Variants in CMSS1 observed in about 807,000 individuals in gnomAD.
CMSS1 encodes cms1 ribosomal small subunit homolog.
In CMSS1, 33 loss-of-function variants were observed where a neutral mutation model predicts 43.5. The observed-to-expected ratio is 0.76, with a 90% CI of 0.57 to 1.01. The LOEUF (loss-of-function observed/expected upper bound fraction) is 1.01. CMSS1 is among the 50% of genes least tolerant of loss of function. The pLI, the probability that CMSS1 is intolerant of heterozygous loss-of-function variation, is 0.00. For missense variants in CMSS1, 313 were observed against 326.4 expected, an observed-to-expected ratio of 0.96 and a Z score of 0.32; for synonymous variants, 115 against 117.2, an observed-to-expected ratio of 0.98 and a Z score of 0.12.
At chr3:100,067,151 CTA>C (rs1391700959) in intron 1 of CMSS1, among the ~76,000 whole-genome samples, 3 of 150,394 alleles carry the variant, frequency 2.0e-5, no homozygotes, top group Non-Finnish European at 4.4e-5. Context: ...GAAGCCCTGG[CTA>C]TGTTTTTGAT....
At chr3:99,985,196 G>T (rs888113754) in intron 1 of CMSS1, among the ~76,000 whole-genome samples, 2 of 152,148 alleles carry the variant, frequency 1.3e-5, no homozygotes, top group African/African-American at 2.4e-5. Flanking sequence ...TGTTTTAAAA[G>T]GTTGAGAAAA....
intron 1 of CMSS1, among the ~76,000 whole-genome samples, chr3:99,940,711 T>C (rs1194840020): frequency 6.6e-6 from 1 of 152,238 alleles, no homozygotes; most frequent in Non-Finnish European, 1.5e-5. Flanking sequence ...TACAAATTTT[T>C]ATTTTTGTGA....
chr3:99,915,562 C>T (rs1382808892), intron 1 of CMSS1, among the ~76,000 whole-genome samples: 5 of 152,062 alleles, frequency 3.3e-5, no homozygotes, highest in Non-Finnish European at 7.4e-5. Context: ...CATAATACCA[C>T]CAAACTAACA....
At chr3:100,124,315 A>G (rs1170410844) in intron 1 of CMSS1, among the ~76,000 whole-genome samples, 16 of 152,338 alleles carry the variant, frequency 1.1e-4, no homozygotes, top group Admixed American at 9.8e-4. Flanking sequence ...GGAAGTTGGA[A>G]TAGGAACGCT....
chr3:99,819,027 G>A (rs150243318), intron 1 of CMSS1, among the ~76,000 whole-genome samples: 19 of 152,340 alleles, frequency 1.2e-4, no homozygotes, highest in African/African-American at 4.6e-4. Flanking sequence ...CATCCACAGG[G>A]CCCTGCACAT....
At chr3:100,011,108 A>G (rs1710143376) in intron 1 of CMSS1, among the ~76,000 whole-genome samples, 1 of 152,186 alleles carries the variant, frequency 6.6e-6, no homozygotes, top group Non-Finnish European at 1.5e-5. Context: ...TTCTGATATT[A>G]AGCACGACAG....
At chr3:99,848,786 C>T (rs764581624) in intron 1 of CMSS1, 54 of 1,613,966 alleles carry the variant, frequency 3.3e-5, no homozygotes, top group Middle Eastern at 1.6e-4. Context: ...ATGAGGTCTT[C>T]GGTAGAGGTT....
chr3:100,019,999 T>C (rs1447212499), intron 1 of CMSS1, among the ~76,000 whole-genome samples: 1 of 152,202 alleles, frequency 6.6e-6, no homozygotes, highest in African/African-American at 2.4e-5. Flanking sequence ...AATTTTATTT[T>C]CTGAGTAATA....
At chr3:99,929,513 A>AGTGTGTGTGT (rs10629410) in intron 1 of CMSS1, among the ~76,000 whole-genome samples, 37 of 148,284 alleles carry the variant, frequency 2.5e-4, no homozygotes, top group Admixed American at 7.4e-4. Flanking sequence ...AAGTTCCCAG[A>AGTGTGTGTGT]GTGTGTGTGT....
chr3:100,013,969 C>T (rs1003920583), intron 1 of CMSS1, among the ~76,000 whole-genome samples: 3 of 152,058 alleles, frequency 2.0e-5, no homozygotes, highest in African/African-American at 4.8e-5. Context: ...TCCTCTGTGC[C>T]GCCCCCTTCC....
At position 99,887,174 on chromosome 3, in the gene CMSS1, G is replaced by A. The variant is rs550708761; in HGVS notation, c.64+69131G>A. Among the ~76,000 whole-genome samples the A allele has an allele frequency of 9.2e-5, 14 of 151,954 alleles. No homozygotes were observed. The South Asian group carries it at 2.5e-3, about 27-fold the overall frequency. On this transcript the variant is annotated intron_variant, in intron 1 of 9. Transcript: ENST00000421999. Reference sequence around the variant, plus strand: ...ATCCCAGCTACTCGAGAGGCTAACAGGAGAATCACTTGAACCCAGGAGGAG... The same window carrying A: ...ATCCCAGCTACTCGAGAGGCTAACAAGAGAATCACTTGAACCCAGGAGGAG...
chr3:99,818,029 C>A lies in CMSS1; in HGVS notation c.50C>A (p.Ala17Glu). 6.2e-7 allele frequency: 1 copy of A among 1,613,820 alleles called. No homozygotes were observed. Among genetic ancestry groups the A allele is most frequent in the South Asian group, 1.1e-5 (1 of 91,080 alleles). The part of the protein sequence containing the change: ...DEWWENQPTG[A>E]GSSPEASDGE... ...TGGTGGGAGAACCAGCCGACTGGAG[C>A]AGGCAGCAGCCCAGGTACCCACTCT... Residue 17 changes from alanine to glutamate, a missense_variant, in exon 1 of 10, where the codon GCA becomes GAA. Physicochemically the swap from Ala to Glu is moderately radical, Grantham distance 107. Transcript: ENST00000421999.
chr3:100,055,157 T>C (rs916694687), intron 1 of CMSS1, among the ~76,000 whole-genome samples: 1 of 152,194 alleles, frequency 6.6e-6, no homozygotes, highest in African/African-American at 2.4e-5. Context: ...CCTATCCCAA[T>C]TCAGGTCTCC....
intron 1 of CMSS1, among the ~76,000 whole-genome samples, chr3:100,079,115 C>T (rs1203133984): frequency 1.2e-4 from 18 of 152,098 alleles, no homozygotes. Context: ...CCTCATAATC[C>T]AGGCCTCTCT....
chr3:99,846,630 A>G (rs1477373443), intron 1 of CMSS1, among the ~76,000 whole-genome samples: 1 of 152,216 alleles, frequency 6.6e-6, no homozygotes, highest in East Asian at 1.9e-4. Flanking sequence ...ATCCAAATTT[A>G]TTTAATGATG....
At chr3:99,975,076 G>A (rs1708929845) in intron 1 of CMSS1, among the ~76,000 whole-genome samples, 1 of 152,130 alleles carries the variant, frequency 6.6e-6, no homozygotes, top group South Asian at 2.1e-4. Flanking sequence ...GAACTATACT[G>A]AGCATCTTAG....
chr3:99,961,754 T>G (rs967408247), intron 1 of CMSS1, among the ~76,000 whole-genome samples: 1 of 152,206 alleles, frequency 6.6e-6, no homozygotes, highest in African/African-American at 2.4e-5. Context: ...TGTAGATATT[T>G]AAAGATAATG....
chr3:99,917,845 G>A (rs1707000965), intron 1 of CMSS1, among the ~76,000 whole-genome samples: 1 of 152,176 alleles, frequency 6.6e-6, no homozygotes, highest in Non-Finnish European at 1.5e-5. Flanking sequence ...TTTTGGTAGT[G>A]GAGTTAGAAT....
At chr3:99,979,406 G>T (rs1185755232) in intron 1 of CMSS1, among the ~76,000 whole-genome samples, 3 of 152,170 alleles carry the variant, frequency 2.0e-5, no homozygotes, top group Admixed American at 1.3e-4. Flanking sequence ...TGATTCTAAA[G>T]ATGTTATATC....
Sources: allele counts gnomAD v4.1 joint callset (sites outside exome capture counted in the v4.1 genomes callset), GRCh38; gene constraint gnomAD v4.1.1; transcripts MANE v1.5; gene names NCBI Gene and HGNC (gene_info 2026-07-23, HGNC 2026-07-21).